Variants in RNLS observed in about 807,000 individuals in gnomAD.
RNLS encodes the protein renalase.
RNLS carries 39 observed loss-of-function variants against 39.8 expected under a neutral mutation model. That is an observed-to-expected ratio of 0.98 (90% confidence interval 0.76 to 1.28). The LOEUF (loss-of-function observed/expected upper bound fraction) is 1.28, where lower values mean the gene tolerates loss of function less well. Among genes scored for constraint, RNLS ranks in the 50% most tolerant of loss-of-function variants. The pLI, the probability that RNLS is intolerant of heterozygous loss-of-function variation, is 0.00. For synonymous variants in RNLS, 147 were observed against 150.7 expected (o/e 0.98, Z 0.18); for missense variants, 410 against 413.3 (o/e 0.99, Z 0.07).
the RNLS span, among the ~76,000 whole-genome samples, chr10:88,214,222 T>C: frequency 6.6e-6 from 1 of 151,070 alleles, no homozygotes; most frequent in Non-Finnish European, 1.5e-5. Flanking sequence ...CTGCCTATCA[T>C]TGGCTAGAAT....
At chr10:88,480,159 G>C in intron 4 of RNLS, among the ~76,000 whole-genome samples, 1 of 152,120 alleles carries the variant, frequency 6.6e-6, no homozygotes, top group East Asian at 1.9e-4. Context: ...CTACCTTTGA[G>C]ACAATCTTAG....
intron 4 of RNLS, among the ~76,000 whole-genome samples, chr10:88,494,475 TTTC>T (rs1845060454): frequency 6.6e-6 from 1 of 152,220 alleles, no homozygotes; most frequent in African/African-American, 2.4e-5. Flanking sequence ...TATTTATTAT[TTTC>T]TTTTCATTTC....
intron 4 of RNLS, among the ~76,000 whole-genome samples, chr10:88,418,659 C>T (rs575359379): frequency 2.6e-5 from 4 of 152,266 alleles, no homozygotes; most frequent in Admixed American, 6.5e-5. Flanking sequence ...TTTCTTCTGT[C>T]TCTATTAGCA....
Position 88,498,240 on chromosome 10 carries a change from A to G in RNLS, c.526+74663T>C, listed in dbSNP as rs575581352. ...TCAATATTATGTGTCTCCTTAACAT[A>G]AAGTACTGAGAAGGACACAATTTAA... On this transcript the variant is annotated intron_variant, in intron 4 of 6. Coordinates refer to ENST00000331772, the MANE Select transcript of RNLS (RefSeq NM_001031709.3). 7.9e-5 allele frequency among the ~76,000 whole-genome samples: 12 copies of G among 152,044 alleles called. No individual in the cohort carries two copies. The South Asian group carries it at 2.5e-3, about 32-fold the overall frequency.
chr10:88,529,694 A>G (rs1847305321), intron 4 of RNLS, among the ~76,000 whole-genome samples: 1 of 152,220 alleles, frequency 6.6e-6, no homozygotes, highest in South Asian at 2.1e-4. Flanking sequence ...TAATTATTTC[A>G]AGAGAAGATA....
At chr10:88,465,400 T>C (rs1010429533) in intron 4 of RNLS, among the ~76,000 whole-genome samples, 3 of 152,054 alleles carry the variant, frequency 2.0e-5, no homozygotes, top group African/African-American at 7.2e-5. Flanking sequence ...GAATAAGATA[T>C]ATAGTCTCTG....
chr10:88,181,427 C>T, the RNLS span, among the ~76,000 whole-genome samples: 1 of 152,184 alleles, frequency 6.6e-6, no homozygotes, highest in East Asian at 1.9e-4. Flanking sequence ...CAATGGACTT[C>T]TGACTTACAG....
At chr10:88,536,446 CAG>C (rs998996484) in intron 4 of RNLS, among the ~76,000 whole-genome samples, 2 of 152,312 alleles carry the variant, frequency 1.3e-5, no homozygotes, top group South Asian at 4.1e-4. Context: ...ACATAGCAGT[CAG>C]AGAGAGCATT....
chr10:88,214,266 A>G, the RNLS span, among the ~76,000 whole-genome samples: 19 of 152,152 alleles, frequency 1.2e-4, no homozygotes, highest in Admixed American at 1.2e-3. Context: ...ACCACTCCTG[A>G]GTCAGGGCAG....
chr10:88,244,630 G>C, the RNLS span, among the ~76,000 whole-genome samples: 1 of 151,590 alleles, frequency 6.6e-6, no homozygotes, highest in South Asian at 2.1e-4. Context: ...GTATCATCTC[G>C]ATATTAATCA....
At chr10:88,404,649 T>A (rs1304384699) in intron 4 of RNLS, among the ~76,000 whole-genome samples, 1 of 151,956 alleles carries the variant, frequency 6.6e-6, no homozygotes, top group African/African-American at 2.4e-5. Flanking sequence ...CCTAAACTTA[T>A]GAGGAAGTAG....
the RNLS span, among the ~76,000 whole-genome samples, chr10:88,226,647 A>G: frequency 6.6e-6 from 1 of 151,530 alleles, no homozygotes; most frequent in African/African-American, 2.4e-5. Context: ...TCTAAAGAAG[A>G]GGCTGTGTTT....
chr10:88,450,038 A>G (rs1842278777), intron 4 of RNLS, among the ~76,000 whole-genome samples: 1 of 144,212 alleles, frequency 6.9e-6, no homozygotes, highest in African/African-American at 2.6e-5. Flanking sequence ...TTTTGGGAGG[A>G]AAAAAAAAAA....
At chr10:88,365,342 A>G (rs1249497188) in intron 4 of RNLS, among the ~76,000 whole-genome samples, 2 of 150,386 alleles carry the variant, frequency 1.3e-5, no homozygotes, top group African/African-American at 2.5e-5. Flanking sequence ...ATACTAAAGA[A>G]ACCAGCCCTA....
the RNLS span, among the ~76,000 whole-genome samples, chr10:88,209,806 C>A: frequency 1.3e-5 from 2 of 152,280 alleles, no homozygotes; most frequent in South Asian, 2.1e-4. Flanking sequence ...TGGTGGCAAG[C>A]CCACTCTGAC....
chr10:88,433,555 A>T (rs1264472004), intron 4 of RNLS, among the ~76,000 whole-genome samples: 1 of 152,106 alleles, frequency 6.6e-6, no homozygotes, highest in African/African-American at 2.4e-5. Flanking sequence ...TTTACTAAAA[A>T]TTATCTATAA....
At chr10:88,299,349 T>G (rs1844334226) in intron 6 of RNLS, among the ~76,000 whole-genome samples, 1 of 152,140 alleles carries the variant, frequency 6.6e-6, no homozygotes. Context: ...TTGCCAGGCA[T>G]GGGTGGTTCA....
At chr10:88,489,395 G>C (rs1322690566) in intron 4 of RNLS, among the ~76,000 whole-genome samples, 1 of 152,124 alleles carries the variant, frequency 6.6e-6, no homozygotes, top group Non-Finnish European at 1.5e-5. Context: ...GTATTTCAAT[G>C]GCACTTTATC....
chr10:88,510,616 G>A (rs747968933), intron 4 of RNLS, among the ~76,000 whole-genome samples: 16 of 151,888 alleles, frequency 1.1e-4, no homozygotes, highest in African/African-American at 3.9e-4. Flanking sequence ...AGGCCGAGGC[G>A]GGCGGATCAC....
Sources: allele counts gnomAD v4.1 joint callset (sites outside exome capture counted in the v4.1 genomes callset), GRCh38; gene constraint gnomAD v4.1.1; transcripts MANE v1.5; gene names NCBI Gene and HGNC (gene_info 2026-07-23, HGNC 2026-07-21).